LDB2: variants seen among roughly 807,000 people sequenced by gnomAD.
LDB2 encodes LIM domain-binding protein 2.
LDB2 carries 12 observed loss-of-function variants against 44.3 expected under a neutral mutation model. The ratio of observed to expected loss-of-function variants is 0.27; its 90% CI spans 0.17 to 0.44. The LOEUF (loss-of-function observed/expected upper bound fraction) is 0.44. Among genes scored for constraint, LDB2 ranks in the 20% least tolerant of loss-of-function variants. LDB2 has a pLI of 1.00. For missense variants in LDB2, 344 were observed against 473.5 expected (o/e 0.73, Z 2.54); for synonymous variants, 164 against 174.8 (o/e 0.94, Z 0.49).
At chr4:16,742,302 C>T (rs1408081868) in intron 2 of LDB2, among the ~76,000 whole-genome samples, 1 of 152,100 alleles carries the variant, frequency 6.6e-6, no homozygotes, top group African/African-American at 2.4e-5. Flanking sequence ...GAACTCCTGA[C>T]CTTGTGATCC....
chr4:16,679,895 A>G lies in LDB2; in HGVS notation c.235+79263T>C, dbSNP rs559998061. 4.6e-5 allele frequency among the ~76,000 whole-genome samples: 7 copies of G among 152,252 alleles called. No homozygotes were observed. In the East Asian group the frequency reaches 1.2e-3, roughly 25 times the overall value. ...ATGTCTCTGCATTTCTGCAGGAATG[A>G]TTGTCCCTTTCTGCTCAGAACATCT... On this transcript the variant is annotated intron_variant, in intron 2 of 7. Coordinates refer to ENST00000304523, the MANE Select transcript of LDB2 (RefSeq NM_001290.5).
intron 1 of LDB2, among the ~76,000 whole-genome samples, chr4:16,867,717 A>G (rs1689043787): frequency 6.6e-6 from 1 of 152,042 alleles, no homozygotes. Flanking sequence ...CCAAGATTTC[A>G]AGGTGGTAGT....
At chr4:16,608,315 A>C (rs1294733218) in intron 2 of LDB2, among the ~76,000 whole-genome samples, 1 of 152,146 alleles carries the variant, frequency 6.6e-6, no homozygotes, top group Non-Finnish European at 1.5e-5. Context: ...AAAAAGGGTC[A>C]GATTCACATT....
intron 1 of LDB2, among the ~76,000 whole-genome samples, chr4:16,762,419 A>T (rs1768126048): frequency 6.6e-6 from 1 of 152,176 alleles, no homozygotes; most frequent in South Asian, 2.1e-4. Flanking sequence ...ATGAAGATAT[A>T]CCCAAGACTG....
chr4:16,626,366 G>A (rs6829729), intron 2 of LDB2, among the ~76,000 whole-genome samples: 1 of 151,984 alleles, frequency 6.6e-6, no homozygotes, highest in East Asian at 1.9e-4. Context: ...TCTTTCTCTC[G>A]CTGTTTTGCA....
chr4:16,619,335 C>T (rs11728639), intron 2 of LDB2, among the ~76,000 whole-genome samples: 4,127 of 152,282 alleles, frequency 0.027, 66 homozygotes, highest in East Asian at 0.053. Flanking sequence ...AGGTGAGAAC[C>T]TCCCCTAGTG....
intron 2 of LDB2, among the ~76,000 whole-genome samples, chr4:16,667,728 G>A (rs1743680320): frequency 6.6e-6 from 1 of 152,178 alleles, no homozygotes; most frequent in Non-Finnish European, 1.5e-5. Flanking sequence ...GCTCAGGCCT[G>A]GAGAAAAGGA....
At chr4:16,850,406 A>C (rs1787973258) in intron 1 of LDB2, among the ~76,000 whole-genome samples, 1 of 152,192 alleles carries the variant, frequency 6.6e-6, no homozygotes, top group Admixed American at 6.5e-5. Flanking sequence ...ACATTATAGA[A>C]ATATTGAGAA....
chr4:16,737,268 G>A (rs151022719), intron 2 of LDB2, among the ~76,000 whole-genome samples: 2,286 of 151,032 alleles, frequency 0.015, 28 homozygotes, highest in South Asian at 0.035. Flanking sequence ...TGGCTCTATC[G>A]CCCGGGCTGA....
rs1184309557 is a variant in LDB2 at position 16,550,752 on chromosome 4, G to A, written c.615+35170C>T. 8.5e-5 allele frequency among the ~76,000 whole-genome samples: 13 copies of A among 152,322 alleles called. No individual in the cohort carries two copies. In the East Asian group the frequency reaches 1.9e-3, roughly 23 times the overall value. ...ATTTTGGCAAATAATTCTACTCCTG[G>A]ATCTGTGCCTTTGAGGAATTTGGCA... On this transcript the variant is annotated intron_variant, in intron 5 of 7. Coordinates refer to ENST00000304523, the MANE Select transcript of LDB2 (RefSeq NM_001290.5).
In LDB2 at chr4:16,874,810, T is replaced by C. The variant is rs562840892; in HGVS notation, c.132+23544A>G. 8.5e-5 allele frequency among the ~76,000 whole-genome samples: 13 copies of C among 152,358 alleles called. No individual in the cohort carries two copies. In the East Asian group the frequency reaches 2.1e-3, roughly 25 times the overall value. On this transcript the variant is annotated intron_variant, in intron 1 of 7. Transcript: ENST00000304523. The stretch of plus-strand genomic sequence containing the variant: ...AGAACAATTCTAAACCATTAGACCC[T>C]GAGTGTAAGTCTTAGTAATACCTAA...
chr4:16,803,643 A>G (rs1297416866), intron 1 of LDB2, among the ~76,000 whole-genome samples: 3 of 152,154 alleles, frequency 2.0e-5, no homozygotes, highest in Admixed American at 6.5e-5. Context: ...CATGAGAAAT[A>G]TAACAAAAAT....
intron 2 of LDB2, among the ~76,000 whole-genome samples, chr4:16,745,200 AT>A (rs1441785523): frequency 2.6e-5 from 4 of 152,210 alleles, no homozygotes; most frequent in Admixed American, 2.6e-4. Context: ...CAGACTGAGT[AT>A]GTGATTTCCA....
In LDB2 at chr4:16,898,542, C is replaced by CTGG; in HGVS notation, c.-58_-57insCCA. 1 of 1,587,362 alleles carries CTGG rather than the reference C, an allele frequency of 6.3e-7. No individual in the cohort carries two copies. The highest frequency in any genetic ancestry group is 8.6e-7 in the Non-Finnish European group (1 of 1,160,300). ...GAGTATCAGTAACGTCCATGCAGAG[C>CTGG]ACATGGGCTGTGTTCTTCCCAGTAC... On this transcript the variant is annotated 5_prime_UTR_variant, in exon 1 of 8. Coordinates refer to ENST00000304523, the MANE Select transcript of LDB2 (RefSeq NM_001290.5).
At chr4:16,858,917 A>G (rs1561461355) in intron 1 of LDB2, among the ~76,000 whole-genome samples, 1 of 152,222 alleles carries the variant, frequency 6.6e-6, no homozygotes, top group South Asian at 2.1e-4. Flanking sequence ...TTGACACATG[A>G]TCAGCCAACT....
chr4:16,664,755 G>A (rs942834047), intron 2 of LDB2, among the ~76,000 whole-genome samples: 1 of 152,156 alleles, frequency 6.6e-6, no homozygotes, highest in Admixed American at 6.5e-5. Flanking sequence ...CACCTTTCAG[G>A]TGCCTGCATT....
intron 1 of LDB2, among the ~76,000 whole-genome samples, chr4:16,895,228 A>C (rs1283474890): frequency 6.6e-6 from 1 of 152,132 alleles, no homozygotes. Context: ...AGAGTTAGAA[A>C]TAATATTAAC....
At chr4:16,734,703 CTTTTTTTTTTTT>C (rs539507998) in intron 2 of LDB2, among the ~76,000 whole-genome samples, 8 of 129,384 alleles carry the variant, frequency 6.2e-5, no homozygotes, top group East Asian at 4.5e-4. Flanking sequence ...TTCTTGTTTT[CTTTTTTTTTTTT>C]TTTTTTTTTT....
At chr4:16,583,857 G>A (rs1388392089) in intron 5 of LDB2, among the ~76,000 whole-genome samples, 1 of 152,114 alleles carries the variant, frequency 6.6e-6, no homozygotes. Context: ...CTCTATTTCA[G>A]CACGCTTCGC....
Sources: allele counts gnomAD v4.1 joint callset (sites outside exome capture counted in the v4.1 genomes callset), GRCh38; gene constraint gnomAD v4.1.1; transcripts MANE v1.5; gene names NCBI Gene and HGNC (gene_info 2026-07-23, HGNC 2026-07-21).